Variants in GRID1 observed in about 807,000 individuals in gnomAD.
GRID1 encodes the protein glutamate receptor ionotropic, delta-1.
Under a neutral mutation model 98.0 loss-of-function variants are expected in GRID1, and 28 were observed. That is an observed-to-expected ratio of 0.29 (90% CI 0.21 to 0.39). GRID1 has a LOEUF of 0.39. Ranked by LOEUF, GRID1 falls within the 10% of genes least tolerant of loss-of-function variation. The pLI, the probability that GRID1 is intolerant of heterozygous loss-of-function variation, is 1.00. For missense variants in GRID1, 1,111 were observed against 1,340.5 expected, an observed-to-expected ratio of 0.83 and a Z score of 2.67; for synonymous variants, 553 against 538.5, an observed-to-expected ratio of 1.03 and a Z score of -0.37.
intron 4 of GRID1, among the ~76,000 whole-genome samples, chr10:85,983,584 A>G (rs1319917082): frequency 6.6e-6 from 1 of 152,144 alleles, no homozygotes; most frequent in Non-Finnish European, 1.5e-5. Flanking sequence ...TGGAGACTTG[A>G]ACAGAAGGGA....
chr10:85,723,682 A>G (rs1564570618), intron 11 of GRID1, among the ~76,000 whole-genome samples: 1 of 152,190 alleles, frequency 6.6e-6, no homozygotes, highest in African/African-American at 2.4e-5. Flanking sequence ...CTCAGAAATC[A>G]GGGCATGAGA....
chr10:86,293,769 A>G (rs1847549616), intron 2 of GRID1, among the ~76,000 whole-genome samples: 2 of 152,204 alleles, frequency 1.3e-5, no homozygotes, highest in South Asian at 4.1e-4. Flanking sequence ...TCATTCATTC[A>G]TTCATTCATT....
At chr10:85,618,052 C>T (rs879474892) in intron 14 of GRID1, among the ~76,000 whole-genome samples, 2 of 152,214 alleles carry the variant, frequency 1.3e-5, no homozygotes, top group Non-Finnish European at 2.9e-5. Flanking sequence ...TGAGTATTCT[C>T]AGGTTCTGCT....
At chr10:85,675,868 T>C (rs1441394594) in intron 12 of GRID1, among the ~76,000 whole-genome samples, 12 of 152,132 alleles carry the variant, frequency 7.9e-5, no homozygotes, top group Admixed American at 7.2e-4. Context: ...GTGGTGTCCA[T>C]GTTGCTTTGG....
chr10:85,767,556 T>C (rs1842209796), intron 8 of GRID1, among the ~76,000 whole-genome samples: 1 of 152,232 alleles, frequency 6.6e-6, no homozygotes, highest in Non-Finnish European at 1.5e-5. Context: ...TCTGAGTCAT[T>C]TTCATTTTGC....
intron 2 of GRID1, among the ~76,000 whole-genome samples, chr10:86,312,141 A>G (rs2132089075): frequency 6.6e-6 from 1 of 152,328 alleles, no homozygotes; most frequent in Non-Finnish European, 1.5e-5. Flanking sequence ...TGTGAAGTTA[A>G]ATGTGGGTGA....
chr10:85,905,462 A>G (rs1841447319), intron 5 of GRID1, among the ~76,000 whole-genome samples: 1 of 152,108 alleles, frequency 6.6e-6, no homozygotes, highest in African/African-American at 2.4e-5. Flanking sequence ...ACCTGAAATG[A>G]TAACGGCAGA....
chr10:85,631,145 T>C (rs539189797), intron 13 of GRID1, among the ~76,000 whole-genome samples: 5 of 152,326 alleles, frequency 3.3e-5, no homozygotes, highest in Middle Eastern at 3.4e-3. Flanking sequence ...ATAGTCCAAA[T>C]TGTGTACATT....
At chr10:85,820,023 AAGGAAGGCAGGCAGGCAGGC>A (rs1842750645) in intron 8 of GRID1, among the ~76,000 whole-genome samples, 150 of 90,112 alleles carry the variant, frequency 1.7e-3, no homozygotes, top group African/African-American at 6.3e-3. Flanking sequence ...GGAAGGAAGG[AAGGAAGGCAGGCAGGCAGGC>A]AGGCAGGCAG....
chr10:86,321,876 T>C (rs988510901), intron 2 of GRID1, among the ~76,000 whole-genome samples: 9 of 151,996 alleles, frequency 5.9e-5, no homozygotes, highest in African/African-American at 2.2e-4. Flanking sequence ...GCCTCACAGA[T>C]AGGACAACAG....
At chr10:85,720,045 G>C (rs1490395186) in intron 12 of GRID1, among the ~76,000 whole-genome samples, 2 of 151,912 alleles carry the variant, frequency 1.3e-5, no homozygotes, top group Non-Finnish European at 2.9e-5. Context: ...ACCTCAAAAA[G>C]AAAAAATAAA....
intron 8 of GRID1, among the ~76,000 whole-genome samples, chr10:85,847,164 A>G (rs994193964): frequency 6.6e-6 from 1 of 152,236 alleles, no homozygotes; most frequent in East Asian, 1.9e-4. Flanking sequence ...AGGGCTCTTC[A>G]CTTACAGAAT....
intron 4 of GRID1, among the ~76,000 whole-genome samples, chr10:86,045,213 G>A (rs1843405847): frequency 6.6e-6 from 1 of 152,212 alleles, no homozygotes; most frequent in Non-Finnish European, 1.5e-5. Flanking sequence ...GGCATGGGGA[G>A]ATTAGGTTAT....
chr10:85,905,251 C>T (rs1214212466), intron 5 of GRID1, among the ~76,000 whole-genome samples: 1 of 151,976 alleles, frequency 6.6e-6, no homozygotes, highest in African/African-American at 2.4e-5. Flanking sequence ...AAAGGAAATA[C>T]TGTTAACCTA....
intron 8 of GRID1, among the ~76,000 whole-genome samples, chr10:85,825,053 A>T (rs911357370): frequency 2.4e-4 from 36 of 152,192 alleles, no homozygotes; most frequent in African/African-American, 8.2e-4. Context: ...TTGGAAAAAA[A>T]ATCCAGACAT....
chr10:85,959,975 G>T (rs1190709380), intron 4 of GRID1, among the ~76,000 whole-genome samples: 1 of 152,006 alleles, frequency 6.6e-6, no homozygotes, highest in Non-Finnish European at 1.5e-5. Flanking sequence ...TCCGCCTTCT[G>T]GGTTCAAGTG....
chr10:85,697,187 T>C (rs1195794662), intron 12 of GRID1, among the ~76,000 whole-genome samples: 1 of 152,144 alleles, frequency 6.6e-6, no homozygotes, highest in Non-Finnish European at 1.5e-5. Flanking sequence ...TAGTTTTTTG[T>C]TTACTTGCTG....
rs148112222 is a variant in GRID1, at chr10:85,602,612, C to T, written c.2691G>A (p.Ser897=). ...CCATCTCCAGGGCCGAGAGCTCAATCGACGCTGGGGAAATCTGCTTGTGAG... is the reference window on the plus strand; with the variant it reads ...CCATCTCCAGGGCCGAGAGCTCAATTGACGCTGGGGAAATCTGCTTGTGAG... ...DIAHKQISPA[S]IELSALEMGG... Residue 897 remains serine, a synonymous_variant, in exon 16 of 16, where the codon TCG becomes TCA. Coordinates refer to ENST00000327946, the MANE Select transcript of GRID1 (RefSeq NM_017551.3). 27 of 1,613,870 alleles carry T rather than the reference C, an allele frequency of 1.7e-5. No homozygotes were observed. The highest frequency in any genetic ancestry group is 1.3e-4 in the African/African-American group (10 of 74,922).
intron 4 of GRID1, among the ~76,000 whole-genome samples, chr10:86,111,799 G>C (rs998127053): frequency 4.6e-5 from 7 of 152,226 alleles, no homozygotes; most frequent in Non-Finnish European, 2.9e-5. Context: ...AACTCAACCT[G>C]ATAGGAAGAG....
Sources: gnomAD v4.1 joint callset for allele counts (sites outside exome capture counted in the v4.1 genomes callset) on GRCh38, gnomAD v4.1.1 for gene constraint, MANE v1.5 for transcripts, NCBI Gene and HGNC (gene_info 2026-07-23, HGNC 2026-07-21) for gene names.